ASXL1: variants seen among roughly 807,000 people sequenced by gnomAD.
ASXL1 encodes polycomb group protein ASXL1.
A neutral mutation model predicts 89.1 loss-of-function variants in ASXL1; 65 were observed. That is an observed-to-expected ratio of 0.73 (90% confidence interval 0.60 to 0.90). The LOEUF (loss-of-function observed/expected upper bound fraction) is 0.90. Ranked by LOEUF, ASXL1 falls within the 40% of genes least tolerant of loss-of-function variation. The pLI, the probability that ASXL1 is intolerant of heterozygous loss-of-function variation, is 0.00. For missense variants in ASXL1, 1,786 were observed against 1,942.9 expected (o/e 0.92, Z 1.52); for synonymous variants, 739 against 746.9 (o/e 0.99, Z 0.17).
intron 4 of ASXL1, chr20:32,371,874 G>A: frequency 2.4e-6 from 1 of 419,540 alleles, no homozygotes; most frequent in Non-Finnish European, 4.8e-6. Flanking sequence ...ATGGATTACA[G>A]GTGTGAGCAA....
chr20:32,433,179 T>A (rs2011579954), intron 11 of ASXL1, 105 bp from the exon 12 acceptor site: 1 of 1,563,158 alleles, frequency 6.4e-7, no homozygotes, highest in Non-Finnish European at 8.7e-7. Flanking sequence ...CCACACAGAT[T>A]TATTTTGTTC....
At chr20:32,369,583 GT>G (rs1431435223) in intron 4 of ASXL1, among the ~76,000 whole-genome samples, 1 of 151,974 alleles carries the variant, frequency 6.6e-6, no homozygotes, top group African/African-American at 2.4e-5. Flanking sequence ...GCACTTTGAG[GT>G]GTTCTAATAT....
At chr20:32,359,751 G>A (rs1476943825) in intron 1 of ASXL1, 3 of 717,988 alleles carry the variant, frequency 4.2e-6, no homozygotes, top group Non-Finnish European at 7.8e-6. Flanking sequence ...CAACCGATGG[G>A]GGTTGTGAAT....
At chr20:32,386,791 TTTTTTTTTTTTTTTGCTACC>T (rs1376001657) in intron 4 of ASXL1, among the ~76,000 whole-genome samples, 2 of 146,696 alleles carry the variant, frequency 1.4e-5, no homozygotes, top group East Asian at 4.0e-4. Context: ...CTCTCTCTCT[TTTTTTTTTTTTTTTGCTACC>T]TCTCCCCGAA....
intron 1 of ASXL1, chr20:32,360,942 T>A (rs2048098817): frequency 6.6e-6 from 1 of 152,648 alleles, no homozygotes; most frequent in Non-Finnish European, 1.5e-5. Context: ...AGATGGGGTT[T>A]TTCCATGCTG....
At chr20:32,398,105 T>G (rs1357929035) in intron 4 of ASXL1, among the ~76,000 whole-genome samples, 1 of 152,240 alleles carries the variant, frequency 6.6e-6, no homozygotes, top group East Asian at 1.9e-4. Flanking sequence ...TGTGGTTTCT[T>G]TCCTTAGAAA....
rs558887033 is a variant in ASXL1 at position 32,379,825 on chromosome 20, C to CA, written c.252+10709dup. 9.2e-5 allele frequency among the ~76,000 whole-genome samples: 6 copies of CA among 65,206 alleles called. No individual in the cohort carries two copies. The Admixed American group carries it at 1.1e-3, about 12-fold the overall frequency. 42.8% of individuals were successfully genotyped at this position (65,206 alleles called of 152,430 possible). On this transcript the variant is annotated intron_variant, in intron 4 of 12. Coordinates refer to ENST00000375687, the MANE Select transcript of ASXL1 (RefSeq NM_015338.6). ...TGGGTGACAGAGCAAGACTGCGTCTCAAAAAAAGAAAAAAATAAAAAAGAT... is the reference window on the plus strand; with the variant it reads ...TGGGTGACAGAGCAAGACTGCGTCTCAAAAAAAAGAAAAAAATAAAAAAGAT...
In ASXL1 at chr20:32,435,234, TAA is replaced by T. The variant is rs773442382; in HGVS notation, c.2524_2525del (p.Asn842CysfsTer8). On this transcript the variant is annotated frameshift_variant, in exon 13 of 13. Transcript: ENST00000375687. LOFTEE classifies it low-confidence loss of function (END_TRUNC). ...AGTCATCCCACTATGAAGGATCCTG[TAA>T]ATGTGACCCCCAGTTCCACACCTGA... 1 of 1,613,940 alleles carries T rather than the reference TAA, an allele frequency of 6.2e-7. No individual in the cohort carries two copies. The highest frequency in any genetic ancestry group is 1.3e-5 in the African/African-American group (1 of 74,910).
chr20:32,428,654 T>A, intron 6 of ASXL1: 3 of 101,480 alleles, frequency 3.0e-5, no homozygotes, highest in Non-Finnish European at 3.7e-5. Flanking sequence ...TGTTCATTCT[T>A]TTTTTTTTTT....
chr20:32,436,769 A>C lies in ASXL1; in HGVS notation c.4057A>C (p.Arg1353=). ...CATGTCTGGTGGGGTACAGACTCCA[A>C]GGGAAGACTGGGCTCCAAAGCCACA... The part of the protein sequence containing the change: ...NSMSGGVQTP[R]EDWAPKPHAF... Residue 1353 remains arginine (R), a synonymous_variant, in exon 13 of 13, where the codon AGG becomes CGG. Coordinates refer to ENST00000375687, the MANE Select transcript of ASXL1 (RefSeq NM_015338.6). The C allele has an allele frequency of 6.2e-7, 1 of 1,614,176 alleles. No homozygotes were observed. Among genetic ancestry groups the C allele is most frequent in the Non-Finnish European group, 8.5e-7 (1 of 1,180,032 alleles).
chr20:32,395,770 A>G lies in ASXL1; in HGVS notation c.252+26647A>G, dbSNP rs990160552. On this transcript the variant is annotated intron_variant, in intron 4 of 12. Coordinates refer to ENST00000375687, the MANE Select transcript of ASXL1 (RefSeq NM_015338.6). ...CATGTTAAATCTGTTACTCTTATCCAGAATTATACCTTTTATCCTTAAAAA... is the reference window on the plus strand; with the variant it reads ...CATGTTAAATCTGTTACTCTTATCCGGAATTATACCTTTTATCCTTAAAAA... Among the ~76,000 whole-genome samples, 4 of 152,220 alleles carry G rather than the reference A, an allele frequency of 2.6e-5. No individual in the cohort carries two copies. In the East Asian group the frequency reaches 7.7e-4, roughly 29 times the overall value.
intron 4 of ASXL1, chr20:32,427,916 T>G: frequency 1.6e-6 from 1 of 638,428 alleles, no homozygotes; most frequent in Non-Finnish European, 2.6e-6. Context: ...CTATAAATGT[T>G]TAATGAATGT....
chr20:32,386,970 C>T (rs1911176448), intron 4 of ASXL1, among the ~76,000 whole-genome samples: 1 of 151,886 alleles, frequency 6.6e-6, no homozygotes, highest in South Asian at 2.1e-4. Context: ...GCTGTTTGTT[C>T]TGATACTGTC....
Position 32,429,482 on chromosome 20 carries a change from T to TGA in ASXL1, c.565+52_565+53insAG. 1.3e-6 allele frequency: 2 copies of TGA among 1,563,004 alleles called. No individual in the cohort carries two copies. The highest frequency in any genetic ancestry group is 1.8e-6 in the Non-Finnish European group (2 of 1,133,984). On this transcript the variant is annotated intron_variant, in intron 7 of 12. Coordinates refer to ENST00000375687, the MANE Select transcript of ASXL1 (RefSeq NM_015338.6). The surrounding 1 kb of genome is among the most constrained non-coding windows in gnomAD (Gnocchi z 4.9). ...GCTTTTTCCTCAGGTCCTGGGGACC[T>TGA]GGCCTCCCTCTGTCAGCAGTTTCTG...
At chr20:32,378,819 A>AT (rs928416881) in intron 4 of ASXL1, among the ~76,000 whole-genome samples, 6 of 151,982 alleles carry the variant, frequency 3.9e-5, no homozygotes, top group African/African-American at 7.2e-5. Flanking sequence ...CAAAAAAAAA[A>AT]CACCCTCAAC....
intron 4 of ASXL1, among the ~76,000 whole-genome samples, chr20:32,381,631 C>T (rs1367613544): frequency 6.6e-6 from 1 of 151,572 alleles, no homozygotes; most frequent in African/African-American, 2.4e-5. Flanking sequence ...TCTCCTGCCT[C>T]AGCCTCCTGA....
chr20:32,382,739 T>C (rs1215205635), intron 4 of ASXL1, among the ~76,000 whole-genome samples: 1 of 152,070 alleles, frequency 6.6e-6, no homozygotes, highest in African/African-American at 2.4e-5. Flanking sequence ...TGAGCTGTGA[T>C]TGTGCCACTG....
At chr20:32,424,951 T>C (rs1265950918) in intron 4 of ASXL1, among the ~76,000 whole-genome samples, 1 of 150,660 alleles carries the variant, frequency 6.6e-6, no homozygotes, top group Non-Finnish European at 1.5e-5. Context: ...TACCCCCCAC[T>C]GCCCCTTCCC....
At position 32,422,249 on chromosome 20, in the gene ASXL1, T is replaced by C. The variant is rs557691724; in HGVS notation, c.253-5879T>C. Among the ~76,000 whole-genome samples the C allele has an allele frequency of 4.0e-5, 6 of 151,222 alleles. No individual in the cohort carries two copies. In the South Asian group the frequency reaches 1.1e-3, roughly 27 times the overall value. ...GAAACTTTTGGGGGTGTTGGAAATG[T>C]TCTATATCTTGATATGCATTTGTTA... On this transcript the variant is annotated intron_variant, in intron 4 of 12. Transcript: ENST00000375687.
Sources: gnomAD v4.1 joint callset for allele counts (sites outside exome capture counted in the v4.1 genomes callset) on GRCh38, gnomAD v4.1.1 for gene constraint, Gnocchi (gnomAD v3.1) non-coding constraint, MANE v1.5 for transcripts, NCBI Gene and HGNC (gene_info 2026-07-23, HGNC 2026-07-21) for gene names.